Variants in DHRS12 observed in about 807,000 individuals in gnomAD.
DHRS12 encodes the protein dehydrogenase/reductase SDR family member 12.
DHRS12 carries 29 observed loss-of-function variants against 32.1 expected under a neutral mutation model. The observed-to-expected ratio is 0.90, with a 90% CI of 0.67 to 1.23. The LOEUF is 1.23. Ranked by LOEUF, DHRS12 falls within the 50% of genes most tolerant of loss-of-function variation. The probability of loss-of-function intolerance (pLI) is 0.00; values close to 1 mark genes in which losing one functional copy is unlikely to be tolerated. For missense variants in DHRS12, 330 were observed against 337.2 expected (o/e 0.98, Z 0.17); for synonymous variants, 150 against 135.9 (o/e 1.10, Z -0.72).
downstream of DHRS12, chr13:51,764,191 C>A (rs1953675725): frequency 6.6e-6 from 1 of 152,184 alleles, no homozygotes; most frequent in African/African-American, 2.4e-5. Context: ...GAGCGCTCAC[C>A]AGCCACCAGG....
downstream of DHRS12, chr13:51,765,613 C>T (rs560993268): frequency 2.6e-5 from 4 of 152,332 alleles, no homozygotes; most frequent in South Asian, 4.1e-4. Context: ...TCACCAGTGA[C>T]CTGCCCGCAT....
intron 4 of DHRS12, among the ~76,000 whole-genome samples, chr13:51,786,525 C>T (rs1295978714): frequency 1.3e-5 from 2 of 152,218 alleles, no homozygotes; most frequent in African/African-American, 4.8e-5. Flanking sequence ...CCCTCCATGG[C>T]TCAACTGTGC....
At chr13:51,773,536 C>T (rs1954142566) in intron 6 of DHRS12, among the ~76,000 whole-genome samples, 1 of 152,080 alleles carries the variant, frequency 6.6e-6, no homozygotes, top group African/African-American at 2.4e-5. Context: ...CCCTTCCCTC[C>T]CTCAGAATTC....
intron 3 of DHRS12, 119 bp downstream of exon 3, chr13:51,791,046 A>G: frequency 1.6e-6 from 1 of 612,848 alleles, no homozygotes; most frequent in Non-Finnish European, 2.7e-6. Flanking sequence ...CCCAAGCATA[A>G]GAGAGTCTTA....
intron 7 of DHRS12, chr13:51,770,920 A>AGCT: frequency 8.1e-7 from 1 of 1,239,530 alleles, no homozygotes; most frequent in Non-Finnish European, 1.0e-6. Context: ...TACCACCAGC[A>AGCT]CTGTGATAAG....
chr13:51,758,169 G>T, the DHRS12 span: 1 of 1,530,790 alleles, frequency 6.5e-7, no homozygotes, highest in South Asian at 1.2e-5. Context: ...TTTCCCCTCA[G>T]AAGCTTTCTT....
chr13:51,774,181 T>C (rs1301560902), intron 5 of DHRS12, 147 bp from the exon 6 acceptor site: 1 of 639,798 alleles, frequency 1.6e-6, no homozygotes, highest in African/African-American at 1.8e-5. Context: ...CCTACAGTAT[T>C]CTCCTACAGT....
At chr13:51,804,025 GGGCCCC>G in intron 1 of DHRS12, 23 bp downstream of exon 1, 1 of 1,462,318 alleles carries the variant, frequency 6.8e-7, no homozygotes. Context: ...TGACAGCCCG[GGGCCCC>G]GCGCCCCGCC....
At chr13:51,778,797 C>T (rs555993735) in intron 4 of DHRS12, among the ~76,000 whole-genome samples, 1 of 152,230 alleles carries the variant, frequency 6.6e-6, no homozygotes, top group South Asian at 2.1e-4. Flanking sequence ...CAAGTACTCT[C>T]TCCTCTAGGG....
intron 4 of DHRS12, chr13:51,789,464 G>A: frequency 1.2e-6 from 1 of 834,060 alleles, no homozygotes; most frequent in Non-Finnish European, 1.4e-6. Flanking sequence ...GATCTGGGTG[G>A]GGAATCTAAG....
chr13:51,769,844 G>A (rs947326488), intron 7 of DHRS12, among the ~76,000 whole-genome samples: 7 of 152,362 alleles, frequency 4.6e-5, no homozygotes, highest in South Asian at 2.1e-4. Flanking sequence ...GCTACAGGGA[G>A]GTGTTTGCCT....
In DHRS12 at chr13:51,799,526, C is replaced by T; in HGVS notation, c.126+8G>A. On this transcript the variant is annotated splice_region_variant and intron_variant, in intron 2 of 8. Coordinates refer to ENST00000444610, the MANE Select transcript of DHRS12 (RefSeq NM_001377533.1). ...GCTCAGTGGACACACGTGTTAGCAG[C>T]TGCTTACCTCGCTTGGCGATTTCAA... 1 of 1,612,884 alleles carries T rather than the reference C, an allele frequency of 6.2e-7. No individual in the cohort carries two copies.
At chr13:51,775,961 T>TCTACAGTATTCTC (rs1204490303) in intron 5 of DHRS12, 5 of 105,508 alleles carry the variant, frequency 4.7e-5, no homozygotes, top group African/African-American at 1.0e-4. Flanking sequence ...CTACATGTAT[T>TCTACAGTATTCTC]CTACAGTATT....
Position 51,792,927 on chromosome 13 carries a change from C to CT in DHRS12, c.127-1671dup, listed in dbSNP as rs954917862. On this transcript the variant is annotated intron_variant, in intron 2 of 8. Transcript: ENST00000444610. ...TATGTCAGGGTTTCCTGCTGCTGAT[C>CT]TTTTTTTTTTTTTGGTCAAAAGTTT... Among the ~76,000 whole-genome samples the CT allele has an allele frequency of 1.3e-3, 194 of 144,144 alleles. 1 individual carries two copies. The highest frequency in any genetic ancestry group is 0.011 in the Middle Eastern group (3 of 276). 94.6% of individuals were successfully genotyped at this position (144,144 alleles called of 152,430 possible).
Position 51,782,821 on chromosome 13 carries a change from T to C in DHRS12, c.302-5700A>G, listed in dbSNP as rs1265114363. On this transcript the variant is annotated intron_variant, in intron 4 of 8. Transcript: ENST00000444610. The surrounding 1 kb of genome is among the most constrained non-coding windows in gnomAD (Gnocchi z 4.2). Reference sequence around the variant, plus strand: ...AGGTGCTTATTTGGGATTGTGTTTCTAAAACTCCTCAAATGAATGTTTGTT... The same window carrying C: ...AGGTGCTTATTTGGGATTGTGTTTCCAAAACTCCTCAAATGAATGTTTGTT... Among the ~76,000 whole-genome samples, 2 of 152,216 alleles carry C rather than the reference T, an allele frequency of 1.3e-5. No individual in the cohort carries two copies. The highest frequency in any genetic ancestry group is 2.9e-5 in the Non-Finnish European group (2 of 68,024).
rs774083307 is a variant in DHRS12, at chr13:51,797,885, G to A, written c.126+1649C>T. On this transcript the variant is annotated intron_variant, in intron 2 of 8. Coordinates refer to ENST00000444610, the MANE Select transcript of DHRS12 (RefSeq NM_001377533.1). ...GCATCTTCTGCTGGGGCTTGATCTC[G>A]ACAAACCAGGTGAACTGTGCCACCT... The A allele has an allele frequency of 3.3e-5, 51 of 1,535,786 alleles. No individual in the cohort carries two copies. The South Asian group carries it at 4.2e-4, about 13-fold the overall frequency.
rs371344667 is a variant in DHRS12 at position 51,799,529 on chromosome 13, C to T, written c.126+5G>A. 248 of 1,612,968 alleles carry T rather than the reference C, an allele frequency of 1.5e-4. No individual in the cohort carries two copies. The highest frequency in any genetic ancestry group is 5.2e-4 in the South Asian group (47 of 91,034). Reference sequence around the variant, plus strand: ...CAGTGGACACACGTGTTAGCAGCTGCTTACCTCGCTTGGCGATTTCAAGGG... The same window carrying T: ...CAGTGGACACACGTGTTAGCAGCTGTTTACCTCGCTTGGCGATTTCAAGGG... On this transcript the variant is annotated splice_donor_5th_base_variant and intron_variant, in intron 2 of 8. Coordinates refer to ENST00000444610, the MANE Select transcript of DHRS12 (RefSeq NM_001377533.1).
chr13:51,773,015 T>G, intron 6 of DHRS12: 1 of 985,456 alleles, frequency 1.0e-6, no homozygotes. Context: ...CTGGCAGCCT[T>G]ACAGACAATG....
rs1955251656 is a variant in DHRS12 at position 51,791,191 on chromosome 13, T to G, written c.193A>C (p.Lys65Gln). The G allele has an allele frequency of 1.3e-6, 2 of 1,584,466 alleles. No individual in the cohort carries two copies. Among genetic ancestry groups the G allele is most frequent in the Non-Finnish European group, 1.7e-6 (2 of 1,164,072 alleles). ...KQIWKFVENF[K>Q]QEHKLHVLIN... ...AGAACATGGAGTTTATGTTCCTGCT[T>G]GAAATTTTCAACAAATTTCCAGATT... The change falls in exon 3 of 9, where the codon AAG becomes CAG. Residue 65 changes from lysine (K) to glutamine (Q), a missense_variant. Lys to Gln is a moderately conservative substitution (Grantham distance 53, BLOSUM62 1). Coordinates refer to ENST00000444610, the MANE Select transcript of DHRS12 (RefSeq NM_001377533.1).
Sources: gnomAD v4.1 joint callset for allele counts (sites outside exome capture counted in the v4.1 genomes callset) on GRCh38, gnomAD v4.1.1 for gene constraint, Gnocchi (gnomAD v3.1) non-coding constraint, MANE v1.5 for transcripts, NCBI Gene and HGNC (gene_info 2026-07-23, HGNC 2026-07-21) for gene names.